Variants in TRMT11 observed in about 807,000 individuals in gnomAD.
TRMT11 encodes the protein tRNA (guanine(10)-N(2))-methyltransferase TRMT11.
A neutral mutation model predicts 62.8 loss-of-function variants in TRMT11; 53 were observed. The observed-to-expected ratio is 0.84, with a 90% CI of 0.68 to 1.06. The LOEUF (loss-of-function observed/expected upper bound fraction) is 1.06. Ranked by LOEUF, TRMT11 falls within the 50% of genes least tolerant of loss-of-function variation. The probability of loss-of-function intolerance (pLI) is 0.00; values close to 1 mark genes in which losing one functional copy is unlikely to be tolerated. For missense variants in TRMT11, 556 were observed against 553.4 expected, an observed-to-expected ratio of 1.00 and a Z score of -0.05; for synonymous variants, 188 against 190.3, an observed-to-expected ratio of 0.99 and a Z score of 0.10.
intron 12 of TRMT11, among the ~76,000 whole-genome samples, chr6:126,030,140 A>G (rs972888393): frequency 1.3e-5 from 2 of 152,160 alleles, no homozygotes; most frequent in African/African-American, 4.8e-5. Flanking sequence ...TTCTCTTAAT[A>G]GTATTGGATG....
intron 11 of TRMT11, among the ~76,000 whole-genome samples, chr6:126,017,532 A>G (rs1795161837): frequency 6.6e-6 from 1 of 152,152 alleles, no homozygotes; most frequent in Non-Finnish European, 1.5e-5. Flanking sequence ...TGCCAGCATC[A>G]AGATACTCTG....
chr6:126,012,778 T>C lies in TRMT11; in HGVS notation c.933T>C (p.Tyr311=). ...CCTTTGTTTTCTGTCTAGCTCCATA[T>C]GGTATCAGAGAATCTACAAGAAGAA... ...YFDAIITDPP[Y]GIRESTRRTG... Residue 311 remains tyrosine, a synonymous_variant, in exon 10 of 13, where the codon TAT becomes TAC. Coordinates refer to ENST00000334379, the MANE Select transcript of TRMT11 (RefSeq NM_001031712.3). The C allele has an allele frequency of 6.2e-7, 1 of 1,613,256 alleles. No individual in the cohort carries two copies. The highest frequency in any genetic ancestry group is 8.5e-7 in the Non-Finnish European group (1 of 1,179,366).
At chr6:126,033,432 T>G (rs1774586654) in intron 12 of TRMT11, among the ~76,000 whole-genome samples, 1 of 152,152 alleles carries the variant, frequency 6.6e-6, no homozygotes, top group South Asian at 2.1e-4. Context: ...AATGCTGTAT[T>G]TTTGATATAT....
intron 17 of TRMT11, among the ~76,000 whole-genome samples, chr6:126,064,445 C>T (rs1196524402): frequency 6.6e-6 from 1 of 152,042 alleles, no homozygotes; most frequent in Non-Finnish European, 1.5e-5. Context: ...GCCTTGGGCT[C>T]CTGGATTGAG....
chr6:126,201,454 C>G lies in TRMT11; in HGVS notation n.372-574C>G, dbSNP rs375039253. Among the ~76,000 whole-genome samples, 4 of 152,314 alleles carry G rather than the reference C, an allele frequency of 2.6e-5. No homozygotes were observed. The East Asian group carries it at 7.7e-4, about 29-fold the overall frequency. ...TTATCCTACATACTCCATATGGGAC[C>G]ATTGCCTTCCAAGAACTGGACAGCA... On this transcript the variant is annotated intron_variant and non_coding_transcript_variant, in intron 3 of 3. Transcript: ENST00000444229.
chr6:125,998,432 G>A (rs1469892425), intron 5 of TRMT11, 117 bp downstream of exon 5: 14 of 1,306,900 alleles, frequency 1.1e-5, no homozygotes, highest in Non-Finnish European at 1.5e-5. Flanking sequence ...TTTGTGCTAA[G>A]TGCTTTTCAT....
At chr6:126,172,801 T>G (rs1321094972), upstream of TRMT11, among the ~76,000 whole-genome samples, 1 of 152,168 alleles carries the variant, frequency 6.6e-6, no homozygotes, top group Non-Finnish European at 1.5e-5. Context: ...TTTAAACTTA[T>G]GCTGTAAAAG....
chr6:126,136,387 A>C (rs1387751294), intron 21 of TRMT11, among the ~76,000 whole-genome samples: 1 of 151,782 alleles, frequency 6.6e-6, no homozygotes, highest in African/African-American at 2.4e-5. Flanking sequence ...TATCTGAAAA[A>C]GTAATCAAGA....
chr6:126,180,896 C>G (rs537390158), intron 1 of TRMT11, among the ~76,000 whole-genome samples: 7 of 152,110 alleles, frequency 4.6e-5, no homozygotes, highest in Non-Finnish European at 1.0e-4. Flanking sequence ...TAGTTTAAAG[C>G]GCAAAGGGCA....
At chr6:126,126,589 C>T (rs114294190) in intron 21 of TRMT11, among the ~76,000 whole-genome samples, 3 of 152,234 alleles carry the variant, frequency 2.0e-5, no homozygotes, top group Admixed American at 6.5e-5. Context: ...TTTATCAAAC[C>T]TCACGCTGTG....
At chr6:125,993,362 A>G (rs757062589) in intron 1 of TRMT11, among the ~76,000 whole-genome samples, 1 of 152,208 alleles carries the variant, frequency 6.6e-6, no homozygotes, top group African/African-American at 2.4e-5. Context: ...TAATGAATAC[A>G]TAGTGGTATG....
At chr6:126,013,135 T>G in intron 11 of TRMT11, 34 bp downstream of exon 11, 1 of 1,575,588 alleles carries the variant, frequency 6.3e-7, no homozygotes, top group Non-Finnish European at 8.6e-7. Flanking sequence ...TAATTTCATT[T>G]TTCTTACAAT....
At chr6:126,006,035 T>C (rs928769813) in intron 7 of TRMT11, among the ~76,000 whole-genome samples, 5 of 152,004 alleles carry the variant, frequency 3.3e-5, no homozygotes, top group African/African-American at 7.2e-5. Flanking sequence ...GTCCTGGTTC[T>C]GGGAAGAGAA....
chr6:126,015,368 A>T (rs1178553239), intron 11 of TRMT11, among the ~76,000 whole-genome samples: 1 of 152,104 alleles, frequency 6.6e-6, no homozygotes, highest in African/African-American at 2.4e-5. Context: ...CTGGGACTAC[A>T]GGTGTCTGCC....
At chr6:126,146,044 G>T (rs556824764) in intron 21 of TRMT11, among the ~76,000 whole-genome samples, 51 of 152,246 alleles carry the variant, frequency 3.3e-4, no homozygotes, top group African/African-American at 1.2e-3. Context: ...TGGTCCTTTT[G>T]CAGAATCCTG....
intron 2 of TRMT11, among the ~76,000 whole-genome samples, chr6:125,994,647 T>A (rs1791179228): frequency 2.6e-5 from 4 of 152,178 alleles, no homozygotes; most frequent in Admixed American, 1.3e-4. Flanking sequence ...ATTATAAAGA[T>A]ACATGCATGC....
chr6:126,147,238 T>A (rs1777984345), intron 21 of TRMT11, among the ~76,000 whole-genome samples: 1 of 152,186 alleles, frequency 6.6e-6, no homozygotes, highest in Non-Finnish European at 1.5e-5. Context: ...TTTTTGTGGA[T>A]TTTTTCGTTC....
the TRMT11 span, among the ~76,000 whole-genome samples, chr6:126,221,191 T>C: frequency 3.3e-5 from 5 of 152,232 alleles, no homozygotes; most frequent in Non-Finnish European, 7.3e-5. Flanking sequence ...TTCCATGTCT[T>C]TGTTATTGTG....
chr6:126,108,509 A>G (rs937805040), intron 17 of TRMT11, among the ~76,000 whole-genome samples: 3 of 152,144 alleles, frequency 2.0e-5, no homozygotes, highest in Admixed American at 1.3e-4. Context: ...CATCATAACA[A>G]CCTCATGAGG....
Sources: gnomAD v4.1 joint callset for allele counts (sites outside exome capture counted in the v4.1 genomes callset) on GRCh38, gnomAD v4.1.1 for gene constraint, MANE v1.5 for transcripts, NCBI Gene and HGNC (gene_info 2026-07-23, HGNC 2026-07-21) for gene names.